MBD5: variants seen among roughly 807,000 people sequenced by gnomAD.
MBD5 encodes the protein methyl-CpG-binding domain protein 5.
In MBD5, 13 loss-of-function variants were observed where a neutral mutation model predicts 117.3. The ratio of observed to expected loss-of-function variants is 0.11; its 90% CI spans 0.07 to 0.18. MBD5 has a LOEUF of 0.18. MBD5 is among the 10% of genes least tolerant of loss of function. MBD5 has a pLI of 1.00. For synonymous variants in MBD5, 727 were observed against 766.4 expected (o/e 0.95, Z 0.85); for missense variants, 1,879 against 2,093.8 (o/e 0.90, Z 2.00).
At chr2:148,397,744 T>C (rs1704772436) in intron 4 of MBD5, among the ~76,000 whole-genome samples, 1 of 152,176 alleles carries the variant, frequency 6.6e-6, no homozygotes, top group South Asian at 2.1e-4. Flanking sequence ...GTTGGTGTGC[T>C]GCACCCGTTA....
chr2:148,232,379 T>C (rs1331186639), intron 2 of MBD5, among the ~76,000 whole-genome samples: 1 of 152,188 alleles, frequency 6.6e-6, no homozygotes, highest in Non-Finnish European at 1.5e-5. Context: ...ACGTGGATAG[T>C]AGAGTAGTAG....
intron 2 of MBD5, among the ~76,000 whole-genome samples, chr2:148,186,217 T>C (rs1698653375): frequency 6.6e-6 from 1 of 152,218 alleles, no homozygotes; most frequent in Admixed American, 6.5e-5. Context: ...TCATGTGCTG[T>C]TCTCGTGATA....
intron 2 of MBD5, among the ~76,000 whole-genome samples, chr2:148,200,165 T>TC (rs1699100383): frequency 6.6e-6 from 1 of 151,268 alleles, no homozygotes. Context: ...TAAATTGCAG[T>TC]CCCCCCCTTA....
intron 8 of MBD5, chr2:148,471,228 C>T (rs548376243): frequency 1.3e-5 from 2 of 152,046 alleles, no homozygotes; most frequent in South Asian, 2.1e-4. Flanking sequence ...TCTTCAGCCA[C>T]CATTAAGGAA....
At chr2:148,319,113 A>G (rs1298891631) in intron 3 of MBD5, among the ~76,000 whole-genome samples, 1 of 152,052 alleles carries the variant, frequency 6.6e-6, no homozygotes, top group Non-Finnish European at 1.5e-5. Context: ...TAATCTTTGT[A>G]TCTATTTTTA....
At chr2:148,141,699 A>G (rs1274560925) in intron 1 of MBD5, among the ~76,000 whole-genome samples, 1 of 152,122 alleles carries the variant, frequency 6.6e-6, no homozygotes, top group Admixed American at 6.6e-5. Context: ...AGGCTAAGGT[A>G]GGAGGATCAC....
chr2:148,174,573 A>G (rs1388177526), intron 1 of MBD5, among the ~76,000 whole-genome samples: 1 of 152,064 alleles, frequency 6.6e-6, no homozygotes, highest in Non-Finnish European at 1.5e-5. Context: ...TATCCAAAAT[A>G]TATAAGAAGC....
intron 3 of MBD5, among the ~76,000 whole-genome samples, chr2:148,271,541 A>G (rs1700987404): frequency 6.6e-6 from 1 of 152,320 alleles, no homozygotes; most frequent in Non-Finnish European, 1.5e-5. Flanking sequence ...TTCATAAAGT[A>G]CATATCCTCA....
At chr2:148,396,666 G>C (rs1297879309) in intron 4 of MBD5, among the ~76,000 whole-genome samples, 1 of 152,086 alleles carries the variant, frequency 6.6e-6, no homozygotes, top group African/African-American at 2.4e-5. Context: ...GAGCTTTCTT[G>C]CCTTCTGGCT....
intron 3 of MBD5, among the ~76,000 whole-genome samples, chr2:148,298,234 A>C (rs1701701536): frequency 6.6e-6 from 1 of 152,194 alleles, no homozygotes; most frequent in Non-Finnish European, 1.5e-5. Context: ...ACTTGAGTAG[A>C]ATTTTACATC....
chr2:148,188,725 A>G (rs1349730124), intron 2 of MBD5, among the ~76,000 whole-genome samples: 1 of 151,990 alleles, frequency 6.6e-6, no homozygotes, highest in Non-Finnish European at 1.5e-5. Context: ...AAAAGAAGAC[A>G]ACATTAAAAA....
chr2:148,361,446 T>A (rs1703530638), intron 4 of MBD5, among the ~76,000 whole-genome samples: 1 of 152,176 alleles, frequency 6.6e-6, no homozygotes, highest in Admixed American at 6.5e-5. Context: ...CTGACTCCCC[T>A]GTTTTATTAG....
intron 7 of MBD5, among the ~76,000 whole-genome samples, chr2:148,467,696 C>A (rs1680600841): frequency 1.3e-5 from 2 of 152,114 alleles, no homozygotes; most frequent in African/African-American, 2.4e-5. Flanking sequence ...ATTTATTCTT[C>A]TTATTACTCC....
chr2:148,030,651 G>A (rs1694013769), intron 1 of MBD5, among the ~76,000 whole-genome samples: 2 of 152,168 alleles, frequency 1.3e-5, no homozygotes, highest in South Asian at 4.1e-4. Context: ...ATGTGGGAAG[G>A]TTGACGAATT....
chr2:148,178,997 C>T (rs530015911), intron 2 of MBD5, among the ~76,000 whole-genome samples: 3 of 152,122 alleles, frequency 2.0e-5, no homozygotes, highest in South Asian at 4.1e-4. Flanking sequence ...TTGTAATAAG[C>T]GGTTGATTAA....
In MBD5 at chr2:148,427,571, T is replaced by C. The variant is rs536028649; in HGVS notation, c.-556-30632T>C. Among the ~76,000 whole-genome samples, 31 of 151,518 alleles carry C rather than the reference T, an allele frequency of 2.0e-4. 1 individual carries two copies. The highest frequency in any genetic ancestry group is 6.8e-4 in the African/African-American group (28 of 41,244). On this transcript the variant is annotated intron_variant, in intron 4 of 13. Coordinates refer to ENST00000642680, the MANE Select transcript of MBD5 (RefSeq NM_001378120.1). ...ACCAAACACTGCAAGTTCTCACTCA[T>C]AGGTGGGAATTGAACAATGAAAACA...
chr2:148,169,314 T>C (rs1021087594), intron 1 of MBD5, among the ~76,000 whole-genome samples: 1 of 152,170 alleles, frequency 6.6e-6, no homozygotes, highest in African/African-American at 2.4e-5. Context: ...AGGGAGAAAC[T>C]ATATAGAATT....
chr2:148,064,157 G>T (rs1254318546), intron 1 of MBD5, among the ~76,000 whole-genome samples: 1 of 123,738 alleles, frequency 8.1e-6, no homozygotes. Flanking sequence ...ACAGAGCCTC[G>T]CTCTGTCGCC....
At chr2:148,057,606 G>A (rs1297247284) in intron 1 of MBD5, among the ~76,000 whole-genome samples, 1 of 151,688 alleles carries the variant, frequency 6.6e-6, no homozygotes, top group East Asian at 1.9e-4. Context: ...TTAGTAGAAA[G>A]ATTATAATTC....
Sources: allele counts gnomAD v4.1 joint callset (sites outside exome capture counted in the v4.1 genomes callset), GRCh38; gene constraint gnomAD v4.1.1; transcripts MANE v1.5; gene names NCBI Gene and HGNC (gene_info 2026-07-23, HGNC 2026-07-21).